The following ZNF521 variants were observed in gnomAD, a reference collection of about 807,000 sequenced individuals.
ZNF521 encodes LYST-interacting protein 3.
Under a neutral mutation model 105.5 loss-of-function variants are expected in ZNF521, and 14 were observed. That is an observed-to-expected ratio of 0.13 (90% confidence interval 0.09 to 0.21). The LOEUF is 0.21. Among genes scored for constraint, ZNF521 ranks in the 10% least tolerant of loss-of-function variants. ZNF521 has a pLI of 1.00. For synonymous variants in ZNF521, 635 were observed against 606.0 expected (o/e 1.05, Z -0.70); for missense variants, 1,233 against 1,629.7 (o/e 0.76, Z 4.19).
chr18:25,297,043 C>G (rs1349299716), intron 3 of ZNF521, among the ~76,000 whole-genome samples: 1 of 151,570 alleles, frequency 6.6e-6, no homozygotes, highest in Non-Finnish European at 1.5e-5. Context: ...TTGTAAGTAG[C>G]AACCATTTCT....
chr18:25,293,143 T>C (rs548081399), intron 3 of ZNF521, among the ~76,000 whole-genome samples: 40 of 152,282 alleles, frequency 2.6e-4, no homozygotes, highest in African/African-American at 9.1e-4. Flanking sequence ...AACCAAAAAG[T>C]TCTGGATACC....
intron 4 of ZNF521, chr18:25,201,013 T>A (rs2035982962): frequency 6.6e-6 from 1 of 152,010 alleles, no homozygotes; most frequent in Admixed American, 6.6e-5. Flanking sequence ...TACTTTGGAA[T>A]CTTGGTTGAA....
intron 5 of ZNF521, among the ~76,000 whole-genome samples, chr18:25,173,413 T>C (rs1187251529): frequency 6.6e-6 from 1 of 152,120 alleles, no homozygotes; most frequent in African/African-American, 2.4e-5. Flanking sequence ...TCCCCTCCAA[T>C]CCCTGCTAAA....
rs140256929 is a variant in ZNF521, at chr18:25,279,745, C to T, written c.220+42263G>A. Among the ~76,000 whole-genome samples, 204 of 152,116 alleles carry T rather than the reference C, an allele frequency of 1.3e-3. 2 individuals carry two copies. The highest frequency in any genetic ancestry group is 4.7e-3 in the African/African-American group (193 of 41,500). On this transcript the variant is annotated intron_variant, in intron 3 of 7. Coordinates refer to ENST00000361524, the MANE Select transcript of ZNF521 (RefSeq NM_015461.3). ...ATAATAAATACTGAATAATGTAATA[C>T]GAGGTATTTTTATCTTGGGGTTCTA...
intron 3 of ZNF521, among the ~76,000 whole-genome samples, chr18:25,287,711 TA>T (rs2145015349): frequency 6.6e-6 from 1 of 152,218 alleles, no homozygotes; most frequent in African/African-American, 2.4e-5. Flanking sequence ...TTTAAACTAA[TA>T]TTTTTTTCAC....
intron 5 of ZNF521, among the ~76,000 whole-genome samples, chr18:25,184,646 C>T (rs1173937057): frequency 2.6e-5 from 4 of 152,086 alleles, no homozygotes; most frequent in Non-Finnish European, 5.9e-5. Flanking sequence ...GGTTGAATAG[C>T]GTGGGACTGG....
chr18:25,275,927 A>AG (rs1458707235), intron 3 of ZNF521, among the ~76,000 whole-genome samples: 3 of 152,226 alleles, frequency 2.0e-5, no homozygotes, highest in African/African-American at 7.2e-5. Context: ...ATCTGCTAAA[A>AG]GACGTCCAGG....
At chr18:25,165,887 G>A (rs1176965315) in intron 5 of ZNF521, among the ~76,000 whole-genome samples, 2 of 152,098 alleles carry the variant, frequency 1.3e-5, no homozygotes, top group Non-Finnish European at 2.9e-5. Flanking sequence ...TCACACATAC[G>A]CTGGGCTCTT....
chr18:25,076,386 C>T (rs528387746), intron 7 of ZNF521, among the ~76,000 whole-genome samples: 3 of 152,248 alleles, frequency 2.0e-5, no homozygotes, highest in East Asian at 1.9e-4. Context: ...ACCAGTTCCA[C>T]GCAATGGATG....
At chr18:25,248,560 T>C (rs1480050501) in intron 3 of ZNF521, among the ~76,000 whole-genome samples, 1 of 152,272 alleles carries the variant, frequency 6.6e-6, no homozygotes, top group African/African-American at 2.4e-5. Flanking sequence ...AAAAGCTATA[T>C]TGATATTTAC....
chr18:25,339,149 T>C (rs764825516), intron 2 of ZNF521, among the ~76,000 whole-genome samples: 22 of 152,200 alleles, frequency 1.4e-4, no homozygotes, highest in Non-Finnish European at 1.0e-4. Flanking sequence ...AAGAACACTA[T>C]TGTTGTAAAA....
chr18:25,098,200 C>G (rs4447504), intron 5 of ZNF521, among the ~76,000 whole-genome samples: 32,877 of 152,106 alleles, frequency 0.22, 3,830 homozygotes, highest in East Asian at 0.31. Context: ...GTAAAACAAA[C>G]AGCCCACCAA....
At chr18:25,122,445 AAGTAT>A (rs1311339101) in intron 5 of ZNF521, among the ~76,000 whole-genome samples, 5 of 152,214 alleles carry the variant, frequency 3.3e-5, no homozygotes, top group African/African-American at 9.6e-5. Flanking sequence ...TCATGGTTTT[AAGTAT>A]ATACTATATT....
intron 2 of ZNF521, among the ~76,000 whole-genome samples, chr18:25,343,986 C>T (rs2145216635): frequency 6.6e-6 from 1 of 151,942 alleles, no homozygotes; most frequent in East Asian, 1.9e-4. Flanking sequence ...CAAGATCAGC[C>T]CAGTGCTTGT....
At chr18:25,142,389 TC>T (rs1345184889) in intron 5 of ZNF521, among the ~76,000 whole-genome samples, 1 of 152,146 alleles carries the variant, frequency 6.6e-6, no homozygotes, top group Non-Finnish European at 1.5e-5. Context: ...TTGTCTAGAT[TC>T]AAAAATGGCT....
At chr18:25,214,612 T>G (rs1215669995) in intron 4 of ZNF521, among the ~76,000 whole-genome samples, 1 of 152,230 alleles carries the variant, frequency 6.6e-6, no homozygotes, top group Non-Finnish European at 1.5e-5. Context: ...TTCAGCATTT[T>G]TAATTTCTAT....
At chr18:25,079,670 T>TGG (rs56817338) in intron 7 of ZNF521, among the ~76,000 whole-genome samples, 113 of 150,506 alleles carry the variant, frequency 7.5e-4, no homozygotes, top group Non-Finnish European at 5.6e-4. Flanking sequence ...GCACAGATGG[T>TGG]GGGGGGGACG....
chr18:25,328,905 A>G, intron 2 of ZNF521, among the ~76,000 whole-genome samples: 1 of 152,256 alleles, frequency 6.6e-6, no homozygotes, highest in East Asian at 1.9e-4. Flanking sequence ...ACAATGGAAG[A>G]AAGCAACTTC....
At chr18:25,129,252 T>C (rs935335866) in intron 5 of ZNF521, among the ~76,000 whole-genome samples, 2 of 72,262 alleles carry the variant, frequency 2.8e-5, no homozygotes, top group Non-Finnish European at 7.7e-5. Context: ...CACGGAATAA[T>C]AATAATAATA....
Sources: allele counts gnomAD v4.1 joint callset (sites outside exome capture counted in the v4.1 genomes callset), GRCh38; gene constraint gnomAD v4.1.1; transcripts MANE v1.5; gene names NCBI Gene and HGNC (gene_info 2026-07-23, HGNC 2026-07-21).